USP34: variants seen among roughly 807,000 people sequenced by gnomAD.
The protein encoded by USP34 is ubiquitin specific peptidase 34.
In USP34, 70 loss-of-function variants were observed where a neutral mutation model predicts 460.3. That is an observed-to-expected ratio of 0.15 (90% confidence interval 0.13 to 0.19). The LOEUF (loss-of-function observed/expected upper bound fraction) is 0.19, where lower values mean the gene tolerates loss of function less well. Ranked by LOEUF, USP34 falls within the 10% of genes least tolerant of loss-of-function variation. USP34 has a pLI of 1.00. For synonymous variants in USP34, 1,647 were observed against 1,405.3 expected, an observed-to-expected ratio of 1.17 and a Z score of -3.85; for missense variants, 3,985 against 4,236.2, an observed-to-expected ratio of 0.94 and a Z score of 1.65.
chr2:61,223,334 TTCTG>T (rs778665072), intron 62 of USP34, 38 bp from the exon 63 acceptor site: 8 of 1,588,334 alleles, frequency 5.0e-6, no homozygotes, highest in South Asian at 1.1e-5. Flanking sequence ...TTTTTCTTCC[TTCTG>T]TATTACTTTA....
rs1039012112 is a variant in USP34 at position 61,250,008 on chromosome 2, A to G, written c.6222-1325T>C. The G allele has an allele frequency of 5.7e-4, 90 of 158,380 alleles. 2 individuals are homozygous for G. In the Admixed American group the frequency reaches 5.8e-3, roughly 10 times the overall value. 9.8% of individuals were successfully genotyped at this position (158,380 alleles called of 1,614,324 possible). A position where few individuals can be genotyped will look rare whatever the true frequency, so the allele number is the denominator to read the frequency against. On this transcript the variant is annotated intron_variant, in intron 48 of 79. Coordinates refer to ENST00000398571, the MANE Select transcript of USP34 (RefSeq NM_014709.4). ...CACGCCTGTAATACCAGCACTTTGGAGGGCTAAAGTGGGCAGACTGCTTGA... is the reference window on the plus strand; with the variant it reads ...CACGCCTGTAATACCAGCACTTTGGGGGGCTAAAGTGGGCAGACTGCTTGA...
intron 6 of USP34, among the ~76,000 whole-genome samples, chr2:61,381,423 C>A (rs770220516): frequency 6.6e-6 from 1 of 152,040 alleles, no homozygotes; most frequent in Non-Finnish European, 1.5e-5. Flanking sequence ...ACTGCAGCCT[C>A]GACCTCCTGG....
intron 7 of USP34, among the ~76,000 whole-genome samples, chr2:61,379,900 T>C (rs1441204640): frequency 1.3e-5 from 2 of 152,138 alleles, no homozygotes; most frequent in Non-Finnish European, 2.9e-5. Flanking sequence ...CATAAAAACC[T>C]AAATAGTTTA....
At chr2:61,453,395 C>A (rs1395477702) in intron 1 of USP34, among the ~76,000 whole-genome samples, 1 of 151,872 alleles carries the variant, frequency 6.6e-6, no homozygotes, top group East Asian at 1.9e-4. Flanking sequence ...GCATAGACGA[C>A]AGAGTAAGAC....
chr2:61,325,752 T>C (rs1691066820), intron 20 of USP34, among the ~76,000 whole-genome samples: 1 of 152,122 alleles, frequency 6.6e-6, no homozygotes, highest in African/African-American at 2.4e-5. Context: ...TAAAAGTATG[T>C]AACACACACA....
At chr2:61,219,092 T>C (rs1322404417) in intron 67 of USP34, among the ~76,000 whole-genome samples, 7 of 152,258 alleles carry the variant, frequency 4.6e-5, no homozygotes, top group Non-Finnish European at 1.5e-5. Flanking sequence ...CAATCATTTA[T>C]TTCTACTAAG....
intron 41 of USP34, among the ~76,000 whole-genome samples, chr2:61,267,000 C>T (rs1204376821): frequency 1.3e-5 from 2 of 152,110 alleles, no homozygotes. Context: ...ACTATGTGCC[C>T]ACATGAGCCA....
At chr2:61,233,886 A>G (rs1450258427) in intron 57 of USP34, among the ~76,000 whole-genome samples, 3 of 152,012 alleles carry the variant, frequency 2.0e-5, no homozygotes, top group East Asian at 1.9e-4. Context: ...GTCACTTCTA[A>G]TATTACTGGG....
rs778948776 is a variant in USP34 at position 61,284,930 on chromosome 2, T to C, written c.4777A>G (p.Ser1593Gly). ...EVFLVLVQGT[S>G]LIQRLMSVAY... ...ACAGACATAAGTCGCTGAATCAAAC[T>C]GGTTCCTTGGACAAGAACAAGAAAT... The change falls in exon 35 of 80, where the codon AGT becomes GGT. Residue 1593 changes from serine (S) to glycine (G), a missense_variant. By Grantham distance (56) the Ser-to-Gly change is moderately conservative. Around this residue, in one of 14 missense-constraint regions of USP34, gnomAD observed 1,114 missense variants for 1,122.5 expected, o/e 0.99. Transcript: ENST00000398571. 1.2e-6 allele frequency: 2 copies of C among 1,611,278 alleles called. No homozygotes were observed. The highest frequency in any genetic ancestry group is 1.7e-6 in the Non-Finnish European group (2 of 1,179,010).
At chr2:61,231,016 G>A (rs1687879759) in intron 58 of USP34, among the ~76,000 whole-genome samples, 1 of 152,074 alleles carries the variant, frequency 6.6e-6, no homozygotes. Flanking sequence ...TGATGAACAG[G>A]TAACACAAAA....
At chr2:61,428,165 CAAAA>C (rs376451824) in intron 1 of USP34, among the ~76,000 whole-genome samples, 2 of 66,276 alleles carry the variant, frequency 3.0e-5, no homozygotes, top group Admixed American at 1.4e-4. Context: ...AACTCCGTCA[CAAAA>C]AAAAAAAAAA....
chr2:61,209,504 T>C (rs1242351308), intron 69 of USP34, among the ~76,000 whole-genome samples: 1 of 152,240 alleles, frequency 6.6e-6, no homozygotes, highest in East Asian at 1.9e-4. Context: ...GATAAATTCC[T>C]ATTAGCCTAG....
intron 1 of USP34, among the ~76,000 whole-genome samples, chr2:61,445,690 G>C (rs1695094794): frequency 6.6e-6 from 1 of 152,078 alleles, no homozygotes; most frequent in Non-Finnish European, 1.5e-5. Context: ...CAGGCACAGT[G>C]GCTCTGCCTG....
intron 1 of USP34, among the ~76,000 whole-genome samples, chr2:61,423,398 C>A (rs575813797): frequency 4.3e-4 from 66 of 152,102 alleles, no homozygotes; most frequent in South Asian, 3.5e-3. Context: ...AGGTCAGATG[C>A]ATTTCTAATA....
At chr2:61,391,739 A>G (rs1017301571) in intron 5 of USP34, among the ~76,000 whole-genome samples, 1 of 152,224 alleles carries the variant, frequency 6.6e-6, no homozygotes, top group African/African-American at 2.4e-5. Flanking sequence ...TATGAAATAA[A>G]TAAAGCACAG....
intron 1 of USP34, among the ~76,000 whole-genome samples, chr2:61,468,219 CTT>C (rs1357474770): frequency 6.6e-6 from 1 of 152,012 alleles, no homozygotes; most frequent in African/African-American, 2.4e-5. Flanking sequence ...AAGTTTCGCT[CTT>C]GTTGCCCAGG....
At chr2:61,266,390 C>T (rs1028159190) in intron 41 of USP34, among the ~76,000 whole-genome samples, 1 of 152,128 alleles carries the variant, frequency 6.6e-6, no homozygotes, top group African/African-American at 2.4e-5. Context: ...CTAATAAGCT[C>T]ATTCTTAGAC....
chr2:61,209,969 C>T (rs1687227955), intron 69 of USP34, among the ~76,000 whole-genome samples: 1 of 151,898 alleles, frequency 6.6e-6, no homozygotes. Flanking sequence ...ATATGAAAAG[C>T]TTATAAAGAT....
At chr2:61,449,210 T>G (rs994277222) in intron 1 of USP34, among the ~76,000 whole-genome samples, 15 of 149,158 alleles carry the variant, frequency 1.0e-4, no homozygotes, top group Admixed American at 4.0e-4. Context: ...AAGGCAGAAG[T>G]CATGCCACTG....
Sources: allele counts gnomAD v4.1 joint callset (sites outside exome capture counted in the v4.1 genomes callset), GRCh38; gene constraint gnomAD v4.1.1; regional missense constraint gnomAD v4.1.1; transcripts MANE v1.5; gene names NCBI Gene and HGNC (gene_info 2026-07-23, HGNC 2026-07-21).